The following XIRP2 variants were observed in gnomAD, a reference collection of about 807,000 sequenced individuals.
XIRP2 encodes the protein xin actin binding repeat containing 2.
In XIRP2, 236 loss-of-function variants were observed where a neutral mutation model predicts 277.0. The ratio of observed to expected loss-of-function variants is 0.85; its 90% CI spans 0.77 to 0.95. The LOEUF is 0.95. Ranked by LOEUF, XIRP2 falls within the 40% of genes least tolerant of loss-of-function variation. The pLI, the probability that XIRP2 is intolerant of heterozygous loss-of-function variation, is 0.00. For synonymous variants in XIRP2, 1,490 were observed against 1,416.5 expected, an observed-to-expected ratio of 1.05 and a Z score of -1.17; for missense variants, 4,640 against 4,157.5, an observed-to-expected ratio of 1.12 and a Z score of -3.19.
At chr2:166,901,111 C>T (rs575508495) in intron 1 of XIRP2, among the ~76,000 whole-genome samples, 1 of 152,160 alleles carries the variant, frequency 6.6e-6, no homozygotes. Context: ...GTACTTATGG[C>T]CTAGAAGTGT....
rs1695411748 is a variant in XIRP2 at position 167,249,768 on chromosome 2, C to T, written c.8376C>T (p.Asn2792=). Residue 2792 remains asparagine (N), a synonymous_variant, in exon 9 of 11, where the codon AAC becomes AAT. Coordinates refer to ENST00000409195, the MANE Select transcript of XIRP2 (RefSeq NM_152381.6). ...TGCCTACAGAATCCATACAGAAGAA[C>T]CAGGAAGATAAGCTCAAGATGGTTC... ...VQLPTESIQK[N]QEDKLKMVPR... The T allele has an allele frequency of 3.7e-6, 6 of 1,613,116 alleles. No individual in the cohort carries two copies. Among genetic ancestry groups the T allele is most frequent in the Non-Finnish European group, 5.1e-6 (6 of 1,179,696 alleles).
intron 2 of XIRP2, among the ~76,000 whole-genome samples, chr2:167,032,185 C>CA (rs1173856046): frequency 5.3e-5 from 8 of 152,162 alleles, no homozygotes; most frequent in African/African-American, 1.9e-4. Flanking sequence ...ATAAACCTGA[C>CA]AAAAACAAGC....
At position 167,247,519 on chromosome 2, in the gene XIRP2, C is replaced by T. The variant is rs1301659346; in HGVS notation, c.6127C>T (p.Leu2043Phe). Reference sequence around the variant, plus strand: ...AAACAATGATGCTCTGGAGAAAAGCCTTAGAAGACTATCTAATTCACACCA... The same window carrying T: ...AAACAATGATGCTCTGGAGAAAAGCTTTAGAAGACTATCTAATTCACACCA... ...EQNNDALEKS[L>F]RRLSNSHHKS... Residue 2043 changes from leucine (L) to phenylalanine (F), a missense_variant, in exon 9 of 11, where the codon CTT becomes TTT. Leu to Phe is a conservative substitution (Grantham distance 22). Transcript: ENST00000409195. 1.9e-6 allele frequency: 3 copies of T among 1,613,680 alleles called. No homozygotes were observed. Among genetic ancestry groups the T allele is most frequent in the South Asian group, 1.1e-5 (1 of 91,066 alleles).
chr2:166,967,383 T>C lies in XIRP2; in HGVS notation c.408+63493T>C, dbSNP rs187944835. Reference sequence around the variant, plus strand: ...ATTAAATAACTTTAAAGCAATCTTATTGAGCCACTTACTCCATGGAAGCTC... The same window carrying C: ...ATTAAATAACTTTAAAGCAATCTTACTGAGCCACTTACTCCATGGAAGCTC... On this transcript the variant is annotated intron_variant, in intron 2 of 10. Coordinates refer to ENST00000409195, the MANE Select transcript of XIRP2 (RefSeq NM_152381.6). Among the ~76,000 whole-genome samples, 4 of 152,010 alleles carry C rather than the reference T, an allele frequency of 2.6e-5. No homozygotes were observed. The East Asian group carries it at 7.8e-4, about 30-fold the overall frequency.
chr2:167,190,384 C>T (rs1232393998), intron 3 of XIRP2, among the ~76,000 whole-genome samples: 2 of 152,072 alleles, frequency 1.3e-5, no homozygotes, highest in African/African-American at 2.4e-5. Flanking sequence ...CCCACCCCTA[C>T]CCCCCACTCC....
At chr2:167,212,585 T>C (rs993577926) in intron 4 of XIRP2, among the ~76,000 whole-genome samples, 2 of 152,170 alleles carry the variant, frequency 1.3e-5, no homozygotes, top group Non-Finnish European at 2.9e-5. Context: ...CTGCAAATTT[T>C]ATAGACAAGA....
chr2:167,004,792 A>G (rs773088738), intron 2 of XIRP2, among the ~76,000 whole-genome samples: 2 of 151,918 alleles, frequency 1.3e-5, no homozygotes, highest in Non-Finnish European at 2.9e-5. Flanking sequence ...GAAGACCAAA[A>G]GAGCAACAAA....
chr2:167,243,741 C>G lies in XIRP2; in HGVS notation c.2349C>G (p.Asn783Lys). Reference sequence around the variant, plus strand: ...AAACACAGCCGTTGGACACAATTAACAAAGATATCACAGAAATTAAAGTTG... The same window carrying G: ...AAACACAGCCGTTGGACACAATTAAGAAAGATATCACAGAAATTAAAGTTG... ...MFETQPLDTI[N>K]KDITEIKVVR... The change falls in exon 9 of 11, where the codon AAC becomes AAG. Residue 783 changes from asparagine to lysine, a missense_variant. Asn to Lys is a moderately conservative substitution (Grantham distance 94). Transcript: ENST00000409195. 1 of 1,613,910 alleles carries G rather than the reference C, an allele frequency of 6.2e-7. No homozygotes were observed. The highest frequency in any genetic ancestry group is 8.5e-7 in the Non-Finnish European group (1 of 1,179,922).
At chr2:166,984,043 A>G (rs1424093438) in intron 2 of XIRP2, among the ~76,000 whole-genome samples, 1 of 152,010 alleles carries the variant, frequency 6.6e-6, no homozygotes, top group Non-Finnish European at 1.5e-5. Context: ...CTCCCACCCA[A>G]TTTCTCCACT....
chr2:167,021,329 A>C (rs1279071813), intron 2 of XIRP2, among the ~76,000 whole-genome samples: 1 of 152,098 alleles, frequency 6.6e-6, no homozygotes, highest in African/African-American at 2.4e-5. Flanking sequence ...AACAAATATA[A>C]TTTGGCAGAA....
intron 3 of XIRP2, among the ~76,000 whole-genome samples, chr2:167,206,475 C>A (rs371069467): frequency 6.6e-6 from 1 of 152,126 alleles, no homozygotes; most frequent in African/African-American, 2.4e-5. Context: ...ATCTTTAGTT[C>A]TTTTCTCGTC....
chr2:167,121,388 G>T (rs748348167), intron 2 of XIRP2, among the ~76,000 whole-genome samples: 1 of 151,872 alleles, frequency 6.6e-6, no homozygotes, highest in African/African-American at 2.4e-5. Context: ...TTTTCAAAAG[G>T]TCAAAGAAAA....
In XIRP2 at chr2:167,259,330, T is replaced by G; in HGVS notation, c.*1513T>G. 6.2e-7 allele frequency: 1 copy of G among 1,611,360 alleles called. No individual in the cohort carries two copies. The highest frequency in any genetic ancestry group is 8.5e-7 in the Non-Finnish European group (1 of 1,178,984). On this transcript the variant is annotated 3_prime_UTR_variant, in exon 11 of 11. Transcript: ENST00000409195. ...AACAACTCACGGTGGAAGAGCAGAT[T>G]AAAAGAAACAGGTGCTACAGTGACA...
chr2:167,021,660 T>C (rs79531510), intron 2 of XIRP2, among the ~76,000 whole-genome samples: 2,961 of 151,804 alleles, frequency 0.02, 99 homozygotes, highest in African/African-American at 0.068. Context: ...ACCTAGTCTC[T>C]ACAAAAAATA....
rs771453671 is a variant in XIRP2 at position 167,251,679 on chromosome 2, T to G, written c.10287T>G (p.Ile3429Met). Residue 3429 changes from isoleucine to methionine, a missense_variant, in exon 9 of 11, where the codon ATT (isoleucine) becomes ATG (methionine). By Grantham distance (10) the Ile-to-Met change is conservative (BLOSUM62 1). Transcript: ENST00000409195. ...FSGMDAFESQ[I>M]VESKMKTSSS... ...GCATGGATGCATTTGAGAGTCAAAT[T>G]GTTGAGTCGAAGATGAAAACCTCTT... 1.9e-6 allele frequency: 3 copies of G among 1,613,386 alleles called. No homozygotes were observed. The highest frequency in any genetic ancestry group is 2.5e-6 in the Non-Finnish European group (3 of 1,179,624).
intron 5 of XIRP2, among the ~76,000 whole-genome samples, chr2:167,235,092 T>C (rs183158458): frequency 6.6e-6 from 1 of 152,000 alleles, no homozygotes; most frequent in East Asian, 1.9e-4. Context: ...TTCAGGAGGG[T>C]ACATGTGCAT....
chr2:167,084,099 T>G (rs1689839500), intron 2 of XIRP2, among the ~76,000 whole-genome samples: 1 of 152,178 alleles, frequency 6.6e-6, no homozygotes, highest in Admixed American at 6.5e-5. Context: ...GATCTTATTA[T>G]TTTGAAATAC....
intron 10 of XIRP2, among the ~76,000 whole-genome samples, chr2:167,256,379 A>G (rs771515176): frequency 1.2e-4 from 18 of 150,926 alleles, no homozygotes; most frequent in Non-Finnish European, 2.2e-4. Flanking sequence ...TATTGTGTTT[A>G]TTTGCTCTTG....
intron 2 of XIRP2, among the ~76,000 whole-genome samples, chr2:167,031,922 T>A (rs138789488): frequency 6.6e-6 from 1 of 152,020 alleles, no homozygotes; most frequent in African/African-American, 2.4e-5. Flanking sequence ...CAAGCTGCCA[T>A]TGACTTTTTC....
Sources: gnomAD v4.1 joint callset for allele counts (sites outside exome capture counted in the v4.1 genomes callset) on GRCh38, gnomAD v4.1.1 for gene constraint, MANE v1.5 for transcripts, NCBI Gene and HGNC (gene_info 2026-07-23, HGNC 2026-07-21) for gene names.